GALNT17: variants seen among roughly 807,000 people sequenced by gnomAD.
GALNT17 encodes the protein UDP-GalNAc:polypeptide N-acetylgalactosaminyltransferase-like 3.
In GALNT17, 29 loss-of-function variants were observed where a neutral mutation model predicts 63.7. That is an observed-to-expected ratio of 0.46 (90% confidence interval 0.34 to 0.62). The LOEUF (loss-of-function observed/expected upper bound fraction) is 0.62. Ranked by LOEUF, GALNT17 falls within the 20% of genes least tolerant of loss-of-function variation. The probability of loss-of-function intolerance (pLI) is 0.01; values close to 1 mark genes in which losing one functional copy is unlikely to be tolerated. For missense variants in GALNT17, 603 were observed against 799.6 expected, an observed-to-expected ratio of 0.75 and a Z score of 2.97; for synonymous variants, 305 against 318.3, an observed-to-expected ratio of 0.96 and a Z score of 0.45.
intron 1 of GALNT17, among the ~76,000 whole-genome samples, chr7:71,142,898 G>A (rs1787942097): frequency 6.7e-6 from 1 of 149,020 alleles, no homozygotes; most frequent in African/African-American, 2.5e-5. Context: ...CCGAGATTGT[G>A]CCACTGCATT....
intron 3 of GALNT17, among the ~76,000 whole-genome samples, chr7:71,404,915 C>A (rs1793301807): frequency 6.6e-6 from 1 of 152,240 alleles, no homozygotes; most frequent in African/African-American, 2.4e-5. Flanking sequence ...TCCCATCCTG[C>A]AGCCTGGCCA....
intron 3 of GALNT17, among the ~76,000 whole-genome samples, chr7:71,412,077 C>T (rs551212453): frequency 6.6e-6 from 1 of 152,176 alleles, no homozygotes; most frequent in Non-Finnish European, 1.5e-5. Flanking sequence ...GGAGTCCCGT[C>T]TGTACCGCCT....
chr7:71,679,443 A>G (rs941798897), intron 9 of GALNT17, among the ~76,000 whole-genome samples: 1 of 152,080 alleles, frequency 6.6e-6, no homozygotes, highest in African/African-American at 2.4e-5. Context: ...CATTCACTCA[A>G]CTAATATGTC....
At chr7:71,428,100 C>G (rs911860328) in intron 5 of GALNT17, among the ~76,000 whole-genome samples, 3 of 152,122 alleles carry the variant, frequency 2.0e-5, no homozygotes, top group African/African-American at 7.2e-5. Context: ...ATATATGTAA[C>G]ATAAATTTTA....
intron 5 of GALNT17, among the ~76,000 whole-genome samples, chr7:71,530,212 C>T (rs1443986971): frequency 6.6e-6 from 1 of 152,070 alleles, no homozygotes; most frequent in Non-Finnish European, 1.5e-5. Context: ...TTCATATGCT[C>T]CTAAGTATCT....
rs183140056 is a variant in GALNT17 at position 71,193,565 on chromosome 7, C to T, written c.238+60525C>T. Reference sequence around the variant, plus strand: ...GACATCATTTCTGGTTTTACAAATGCCAGGGTCCTTCCTCCTTCAGAGCCT... The same window carrying T: ...GACATCATTTCTGGTTTTACAAATGTCAGGGTCCTTCCTCCTTCAGAGCCT... On this transcript the variant is annotated intron_variant, in intron 1 of 10. Transcript: ENST00000333538. 2.4e-3 allele frequency among the ~76,000 whole-genome samples: 349 copies of T among 148,314 alleles called. 1 individual carries two copies. The highest frequency in any genetic ancestry group is 8.4e-3 in the African/African-American group (335 of 39,978).
chr7:71,132,740 C>T lies in GALNT17; in HGVS notation c.-63C>T. The T allele has an allele frequency of 2.1e-6, 3 of 1,415,536 alleles. No homozygotes were observed. The highest frequency in any genetic ancestry group is 2.7e-5 in the South Asian group (2 of 73,402). The allele number at this position is 1,415,536 out of a possible 1,614,324, so 87.7% of individuals were successfully genotyped here. A position where few individuals can be genotyped will look rare whatever the true frequency, so the allele number is the denominator to read the frequency against. On this transcript the variant is annotated 5_prime_UTR_variant, in exon 1 of 11. Transcript: ENST00000333538. Reference sequence around the variant, plus strand: ...GTGAGGCTTGCACGGCCCCTGGCTGCCCCGCGCCTCGCCGGAGCCCGAGGG... The same window carrying T: ...GTGAGGCTTGCACGGCCCCTGGCTGTCCCGCGCCTCGCCGGAGCCCGAGGG...
intron 1 of GALNT17, among the ~76,000 whole-genome samples, chr7:71,261,638 C>T (rs745906531): frequency 1.4e-4 from 22 of 152,132 alleles, no homozygotes; most frequent in Non-Finnish European, 2.4e-4. Context: ...AGGTTGGCTT[C>T]GTGTGCCTTG....
intron 6 of GALNT17, among the ~76,000 whole-genome samples, chr7:71,611,577 A>G (rs1790126079): frequency 6.6e-6 from 1 of 152,164 alleles, no homozygotes; most frequent in South Asian, 2.1e-4. Flanking sequence ...GGTCTGGAGC[A>G]CACAAATCCA....
chr7:71,193,943 G>A (rs1401895031), intron 1 of GALNT17, among the ~76,000 whole-genome samples: 1 of 152,128 alleles, frequency 6.6e-6, no homozygotes, highest in Non-Finnish European at 1.5e-5. Context: ...TTCTTGTATC[G>A]ATGTGATATT....
chr7:71,136,265 A>G (rs1005731161), intron 1 of GALNT17, among the ~76,000 whole-genome samples: 2 of 152,034 alleles, frequency 1.3e-5, no homozygotes, highest in Non-Finnish European at 2.9e-5. Flanking sequence ...ATTGCTCCCG[A>G]GGGTGGAGAA....
chr7:71,443,606 A>G (rs1434497448), intron 5 of GALNT17, among the ~76,000 whole-genome samples: 1 of 152,132 alleles, frequency 6.6e-6, no homozygotes, highest in Non-Finnish European at 1.5e-5. Context: ...TTCTGCCATG[A>G]GTGGAAGCTG....
intron 1 of GALNT17, among the ~76,000 whole-genome samples, chr7:71,307,217 G>A (rs77891924): frequency 0.012 from 1,846 of 152,208 alleles, 42 homozygotes; most frequent in African/African-American, 0.041. Flanking sequence ...CCGCCATACT[G>A]TTTTCCATAG....
At chr7:71,399,709 T>C (rs892604889) in intron 3 of GALNT17, among the ~76,000 whole-genome samples, 12 of 152,222 alleles carry the variant, frequency 7.9e-5, no homozygotes, top group African/African-American at 2.9e-4. Flanking sequence ...ATTGATAAAC[T>C]GTCTTCCAGG....
At chr7:71,142,048 T>TGTGTGTGTGTGTGTG (rs1787906800) in intron 1 of GALNT17, among the ~76,000 whole-genome samples, 1 of 74,766 alleles carries the variant, frequency 1.3e-5, no homozygotes, top group African/African-American at 6.3e-5. Context: ...GTGTGTGTGT[T>TGTGTGTGTGTGTGTG]TAGTAGAGAT....
intron 6 of GALNT17, among the ~76,000 whole-genome samples, chr7:71,617,829 T>C (rs1303407617): frequency 6.6e-6 from 1 of 152,018 alleles, no homozygotes; most frequent in Non-Finnish European, 1.5e-5. Flanking sequence ...GTATTTTTAG[T>C]AGAGACAGGA....
chr7:71,425,390 T>G (rs976752301), intron 5 of GALNT17, among the ~76,000 whole-genome samples: 1 of 151,986 alleles, frequency 6.6e-6, no homozygotes, highest in African/African-American at 2.4e-5. Context: ...GCCCAGCTAA[T>G]TTTTTGTATT....
intron 1 of GALNT17, among the ~76,000 whole-genome samples, chr7:71,141,977 G>A (rs1787903264): frequency 1.4e-5 from 2 of 146,436 alleles, no homozygotes; most frequent in East Asian, 2.0e-4. Context: ...GTCTCCCAAA[G>A]TGCTGGGATT....
At chr7:71,599,790 G>A (rs1481797152) in intron 6 of GALNT17, among the ~76,000 whole-genome samples, 1 of 151,950 alleles carries the variant, frequency 6.6e-6, no homozygotes, top group African/African-American at 2.4e-5. Context: ...TTGCACTATT[G>A]CAATTGTGCA....
Sources: gnomAD v4.1 joint callset for allele counts (sites outside exome capture counted in the v4.1 genomes callset) on GRCh38, gnomAD v4.1.1 for gene constraint, MANE v1.5 for transcripts, NCBI Gene and HGNC (gene_info 2026-07-23, HGNC 2026-07-21) for gene names.